ZC3H7B: variants seen among roughly 807,000 people sequenced by gnomAD.
The protein encoded by ZC3H7B is zinc finger CCCH domain-containing protein 7B.
Under a neutral mutation model 116.0 loss-of-function variants are expected in ZC3H7B, and 35 were observed. The ratio of observed to expected loss-of-function variants is 0.30; its 90% CI spans 0.23 to 0.40. ZC3H7B has a LOEUF of 0.40. ZC3H7B is among the 10% of genes least tolerant of loss of function. ZC3H7B has a pLI of 1.00. For missense variants in ZC3H7B, 1,011 were observed against 1,321.5 expected, an observed-to-expected ratio of 0.77 and a Z score of 3.64; for synonymous variants, 502 against 545.6, an observed-to-expected ratio of 0.92 and a Z score of 1.11.
intron 1 of ZC3H7B, among the ~76,000 whole-genome samples, chr22:41,305,376 G>T (rs1184656307): frequency 6.6e-6 from 1 of 151,206 alleles, no homozygotes; most frequent in Non-Finnish European, 1.5e-5. Context: ...TGGGCATGCT[G>T]GTGGGTGCCT....
chr22:41,317,971 C>T (rs1410793981), intron 1 of ZC3H7B, among the ~76,000 whole-genome samples: 1 of 152,184 alleles, frequency 6.6e-6, no homozygotes, highest in Non-Finnish European at 1.5e-5. Flanking sequence ...TCTTGGAGTA[C>T]TATTTTCCTG....
intron 21 of ZC3H7B, 71 bp downstream of exon 21, chr22:41,356,547 G>C: frequency 6.2e-7 from 1 of 1,609,438 alleles, no homozygotes; most frequent in East Asian, 2.2e-5. Flanking sequence ...GGGAGGGGCA[G>C]CCTGGAGGGC....
At position 41,349,784 on chromosome 22, in the gene ZC3H7B, C is replaced by T. The variant is rs1209575894; in HGVS notation, c.1948+483C>T. On this transcript the variant is annotated intron_variant, in intron 16 of 22. Coordinates refer to ENST00000352645, the MANE Select transcript of ZC3H7B (RefSeq NM_017590.6). This position sits in a 1 kb window ranked among gnomAD's most constrained non-coding sequence, Gnocchi z 4.9. ...CACCTTCTCTTGTCAGGGCATTCAG[C>T]CATGGTCTAGTCGAGGCCCTTACTT... is the stretch of plus-strand genomic sequence containing the variant. Among the ~76,000 whole-genome samples the T allele has an allele frequency of 6.6e-5, 10 of 152,224 alleles. No individual in the cohort carries two copies. Among genetic ancestry groups the T allele is most frequent in the African/African-American group, 2.4e-4 (10 of 41,452 alleles).
rs1160626821 is a variant in ZC3H7B, at chr22:41,357,613, G to A, written c.*184G>A. The A allele has an allele frequency of 1.3e-5, 11 of 844,992 alleles. No individual in the cohort carries two copies. The highest frequency in any genetic ancestry group is 5.9e-5 in the Admixed American group (2 of 34,012). 52.3% of individuals were successfully genotyped at this position (844,992 alleles called of 1,614,324 possible). On this transcript the variant is annotated 3_prime_UTR_variant, in exon 23 of 23. Transcript: ENST00000352645. The surrounding 1 kb of genome is among the most constrained non-coding windows in gnomAD (Gnocchi z 5.4). ...CCCCGGTGTGCGTACCCAGGCGCAC[G>A]TGCTGCAGCCCCCGGAGGCCCCGCT...
chr22:41,348,337 C>T (rs1213637410), intron 15 of ZC3H7B, among the ~76,000 whole-genome samples, 170 bp downstream of exon 15: 1 of 152,224 alleles, frequency 6.6e-6, no homozygotes, highest in African/African-American at 2.4e-5. Flanking sequence ...ATGAGAATCA[C>T]ATTTGTCGAA....
At chr22:41,345,899 C>A in intron 13 of ZC3H7B, 104 bp from the exon 14 acceptor site, 1 of 1,215,374 alleles carries the variant, frequency 8.2e-7, no homozygotes, top group Non-Finnish European at 1.2e-6. Context: ...GAAGCCCTGC[C>A]TGGCTCATGG....
chr22:41,305,613 T>C (rs897408643), intron 1 of ZC3H7B, among the ~76,000 whole-genome samples: 3 of 152,194 alleles, frequency 2.0e-5, no homozygotes, highest in Admixed American at 6.5e-5. Flanking sequence ...AAACTGGCTC[T>C]GTATCCCAGG....
At chr22:41,325,297 C>T (rs1345807796) in intron 2 of ZC3H7B, among the ~76,000 whole-genome samples, 1 of 151,834 alleles carries the variant, frequency 6.6e-6, no homozygotes, top group African/African-American at 2.4e-5. Context: ...GAACTGGGGC[C>T]AGGCTGGAGG....
Position 41,338,199 on chromosome 22 carries a change from C to CT in ZC3H7B, c.583-113dup, listed in dbSNP as rs971006873. ...GAGGGCTTTAATCTCCCCTGGCACTCTAAGTGCTCCTCGGTGCTGGGTCAA... is the reference window on the plus strand; with the variant it reads ...GAGGGCTTTAATCTCCCCTGGCACTCTTAAGTGCTCCTCGGTGCTGGGTCAA... On this transcript the variant is annotated intron_variant, in intron 7 of 22. Transcript: ENST00000352645. The surrounding 1 kb of genome is among the most constrained non-coding windows in gnomAD (Gnocchi z 4.5). The CT allele has an allele frequency of 3.4e-5, 39 of 1,141,560 alleles. No individual in the cohort carries two copies. In the Admixed American group the frequency reaches 5.2e-4, roughly 15 times the overall value. 70.7% of individuals were successfully genotyped at this position (1,141,560 alleles called of 1,614,324 possible).
chr22:41,332,353 C>G, intron 7 of ZC3H7B, 126 bp downstream of exon 7: 1 of 1,152,128 alleles, frequency 8.7e-7, no homozygotes, highest in Non-Finnish European at 1.3e-6. Flanking sequence ...GGAGGTACCT[C>G]CCGTGTCCAC....
At chr22:41,314,754 C>T (rs1190899677) in intron 1 of ZC3H7B, among the ~76,000 whole-genome samples, 3 of 151,226 alleles carry the variant, frequency 2.0e-5, no homozygotes, top group South Asian at 2.1e-4. Flanking sequence ...GGACTACAGG[C>T]GTGTGCCACC....
At chr22:41,310,965 C>A (rs1179216534) in intron 1 of ZC3H7B, among the ~76,000 whole-genome samples, 1 of 151,822 alleles carries the variant, frequency 6.6e-6, no homozygotes, top group African/African-American at 2.4e-5. Flanking sequence ...GGGGGTTTCA[C>A]CGTGTTAGCC....
At chr22:41,323,043 C>A (rs1167069232) in intron 2 of ZC3H7B, among the ~76,000 whole-genome samples, 1 of 152,198 alleles carries the variant, frequency 6.6e-6, no homozygotes. Context: ...ACAACACATT[C>A]TCCTTCCTCA....
chr22:41,343,283 C>G (rs895115427), intron 12 of ZC3H7B, 132 bp from the exon 13 acceptor site: 46 of 1,185,372 alleles, frequency 3.9e-5, no homozygotes, highest in Non-Finnish European at 4.0e-5. Flanking sequence ...GTGGTGGGAG[C>G]TGGCAGGAGG....
rs2036469073 is a variant in ZC3H7B, at chr22:41,338,102, A to G, written c.583-211A>G. Among the ~76,000 whole-genome samples, 1 of 152,122 alleles carries G rather than the reference A, an allele frequency of 6.6e-6. No individual in the cohort carries two copies. On this transcript the variant is annotated intron_variant, in intron 7 of 22. Coordinates refer to ENST00000352645, the MANE Select transcript of ZC3H7B (RefSeq NM_017590.6). This position sits in a 1 kb window ranked among gnomAD's most constrained non-coding sequence, Gnocchi z 4.5. ...ATGCTGGTCTTGAATTTCTGACCTC[A>G]GGTGATCCACCCACCTCAGCCTCCC...
chr22:41,318,300 C>T (rs900436771), intron 1 of ZC3H7B, among the ~76,000 whole-genome samples: 20 of 151,854 alleles, frequency 1.3e-4, no homozygotes, highest in Admixed American at 2.0e-4. Flanking sequence ...GAGGCCGAGG[C>T]GGGCAGATCA....
chr22:41,329,031 CAAAAAAAAAA>C (rs905189346), intron 5 of ZC3H7B, among the ~76,000 whole-genome samples: 11 of 40,482 alleles, frequency 2.7e-4, no homozygotes, highest in South Asian at 2.6e-3. Flanking sequence ...TACTAAAATA[CAAAAAAAAAA>C]AAAAAAAAAA....
Position 41,338,209 on chromosome 22 carries a change from C to A in ZC3H7B, c.583-104C>A. 2 of 1,260,640 alleles carry A rather than the reference C, an allele frequency of 1.6e-6. No individual in the cohort carries two copies. Among genetic ancestry groups the A allele is most frequent in the South Asian group, 1.3e-5 (1 of 74,666 alleles). 78.1% of individuals were successfully genotyped at this position (1,260,640 alleles called of 1,614,324 possible). A position where few individuals can be genotyped will look rare whatever the true frequency, so the allele number is the denominator to read the frequency against. ...ATCTCCCCTGGCACTCTAAGTGCTC[C>A]TCGGTGCTGGGTCAACAGCATAGTC... is the stretch of plus-strand genomic sequence containing the variant. On this transcript the variant is annotated intron_variant, in intron 7 of 22. Coordinates refer to ENST00000352645, the MANE Select transcript of ZC3H7B (RefSeq NM_017590.6). This position sits in a 1 kb window ranked among gnomAD's most constrained non-coding sequence, Gnocchi z 4.5.
chr22:41,356,393 G>A lies in ZC3H7B; in HGVS notation c.2434G>A (p.Gly812Arg), dbSNP rs1307977778. 1 of 1,614,134 alleles carries A rather than the reference G, an allele frequency of 6.2e-7. No individual in the cohort carries two copies. The highest frequency in any genetic ancestry group is 8.5e-7 in the Non-Finnish European group (1 of 1,180,022). The change falls in exon 21 of 23, where the codon GGA becomes AGA. Residue 812 changes from glycine to arginine, a missense_variant. Physicochemically the swap from Gly to Arg is moderately radical, Grantham distance 125. Transcript: ENST00000352645. ...YDMWLKKHNP[G>R]KPGEGTPISS... ...CATGTGGCTGAAAAAACACAACCCA[G>A]GAAAGCCTGGAGAAGGGACCCCCAT...
Sources: gnomAD v4.1 joint callset for allele counts (sites outside exome capture counted in the v4.1 genomes callset) on GRCh38, gnomAD v4.1.1 for gene constraint, Gnocchi (gnomAD v3.1) non-coding constraint, MANE v1.5 for transcripts, NCBI Gene and HGNC (gene_info 2026-07-23, HGNC 2026-07-21) for gene names.